XKR6: variants seen among roughly 807,000 people sequenced by gnomAD.
The protein encoded by XKR6 is XK related 6.
In XKR6, 22 loss-of-function variants were observed where a neutral mutation model predicts 56.7. That is an observed-to-expected ratio of 0.39 (90% CI 0.28 to 0.55). XKR6 has a LOEUF of 0.55. XKR6 is among the 20% of genes least tolerant of loss of function. The probability of loss-of-function intolerance (pLI) is 0.66; values close to 1 mark genes in which losing one functional copy is unlikely to be tolerated. For missense variants in XKR6, 852 were observed against 889.0 expected (o/e 0.96, Z 0.53); for synonymous variants, 524 against 387.8 (o/e 1.35, Z -4.13).
chr8:11,059,515 G>A (rs576969641), intron 1 of XKR6, among the ~76,000 whole-genome samples: 1 of 151,942 alleles, frequency 6.6e-6, no homozygotes, highest in Non-Finnish European at 1.5e-5. Flanking sequence ...CGCGGGCGGC[G>A]CCGCTCCAGT....
At chr8:10,902,339 C>G (rs1563278348) in intron 2 of XKR6, among the ~76,000 whole-genome samples, 1 of 152,198 alleles carries the variant, frequency 6.6e-6, no homozygotes, top group African/African-American at 2.4e-5. Context: ...AACCTTCTAT[C>G]TAGGGGAGCT....
At chr8:11,026,208 T>C (rs1563353605) in intron 1 of XKR6, among the ~76,000 whole-genome samples, 1 of 152,012 alleles carries the variant, frequency 6.6e-6, no homozygotes, top group East Asian at 1.9e-4. Flanking sequence ...TCTAGCCTAC[T>C]ACACACTTAG....
intron 1 of XKR6, among the ~76,000 whole-genome samples, chr8:10,971,154 G>C (rs879276311): frequency 4.6e-5 from 7 of 151,700 alleles, no homozygotes; most frequent in African/African-American, 9.7e-5. Context: ...GGGCACGGTG[G>C]CTCACGCCTG....
intron 1 of XKR6, among the ~76,000 whole-genome samples, chr8:10,961,841 G>A (rs1367824734): frequency 6.6e-6 from 1 of 152,246 alleles, no homozygotes; most frequent in Non-Finnish European, 1.5e-5. Context: ...ACGTTGCCAG[G>A]AGGAAGGGAG....
intron 1 of XKR6, among the ~76,000 whole-genome samples, chr8:11,017,911 A>G (rs377009868): frequency 2.8e-4 from 42 of 152,298 alleles, no homozygotes; most frequent in African/African-American, 1.0e-3. Context: ...AGAGGAGGAA[A>G]GCTGGCTGAG....
At chr8:10,939,938 A>C (rs573080657) in intron 1 of XKR6, among the ~76,000 whole-genome samples, 2 of 152,168 alleles carry the variant, frequency 1.3e-5, no homozygotes, top group Non-Finnish European at 2.9e-5. Context: ...CCCCTCCCCC[A>C]GGTGTGTCCC....
chr8:11,017,716 T>A (rs1246155261), intron 1 of XKR6, among the ~76,000 whole-genome samples: 1 of 152,112 alleles, frequency 6.6e-6, no homozygotes, highest in Non-Finnish European at 1.5e-5. Context: ...GGGGCAGGCA[T>A]TTGACCTGGG....
intron 1 of XKR6, chr8:11,138,311 T>C (rs117049431): frequency 0.011 from 1,721 of 152,678 alleles, 14 homozygotes; most frequent in South Asian, 0.026. Flanking sequence ...AACTATGAGT[T>C]AGAACCACCT....
chr8:10,965,074 GT>G (rs1802177338), intron 1 of XKR6, among the ~76,000 whole-genome samples: 1 of 152,228 alleles, frequency 6.6e-6, no homozygotes, highest in Admixed American at 6.5e-5. Context: ...AAGCCTGCTT[GT>G]TGGGCTCTCA....
chr8:11,034,908 C>T (rs542722526), intron 1 of XKR6, among the ~76,000 whole-genome samples: 16 of 152,296 alleles, frequency 1.1e-4, no homozygotes, highest in African/African-American at 2.4e-4. Flanking sequence ...GCTTCTCCTG[C>T]GGTGTGATAC....
At chr8:10,954,460 C>T (rs1242109806) in intron 1 of XKR6, among the ~76,000 whole-genome samples, 2 of 152,152 alleles carry the variant, frequency 1.3e-5, no homozygotes, top group East Asian at 1.9e-4. Flanking sequence ...TTATATATCT[C>T]CTTTGAAGAA....
chr8:10,960,612 G>C (rs1185281102), intron 1 of XKR6, among the ~76,000 whole-genome samples: 1 of 152,164 alleles, frequency 6.6e-6, no homozygotes, highest in Non-Finnish European at 1.5e-5. Flanking sequence ...CCAGCCACAG[G>C]GGCATCATTC....
chr8:10,984,733 T>TATATATATATATATAC (rs1491092907), intron 1 of XKR6, among the ~76,000 whole-genome samples: 2 of 42,644 alleles, frequency 4.7e-5, no homozygotes, highest in Non-Finnish European at 1.0e-4. Context: ...TCTCTCTCTC[T>TATATATATATATATAC]ATATATATAT....
intron 1 of XKR6, among the ~76,000 whole-genome samples, chr8:11,143,932 C>G (rs1163046014): frequency 2.0e-5 from 3 of 152,122 alleles, no homozygotes; most frequent in Non-Finnish European, 4.4e-5. Context: ...AAGTCTCTTT[C>G]CTTGGCTCAC....
chr8:11,156,250 T>A (rs1801514063), intron 1 of XKR6, among the ~76,000 whole-genome samples: 2 of 152,210 alleles, frequency 1.3e-5, no homozygotes, highest in African/African-American at 4.8e-5. Flanking sequence ...TTTTTCTCCC[T>A]CTGTTCTGAA....
At chr8:11,147,206 C>A (rs897247321) in intron 1 of XKR6, among the ~76,000 whole-genome samples, 4 of 151,746 alleles carry the variant, frequency 2.6e-5, no homozygotes, top group African/African-American at 7.3e-5. Flanking sequence ...GAACTTATCC[C>A]CAAACTTATC....
At chr8:11,172,704 C>T (rs1802440771) in intron 1 of XKR6, among the ~76,000 whole-genome samples, 1 of 152,118 alleles carries the variant, frequency 6.6e-6, no homozygotes, top group African/African-American at 2.4e-5. Flanking sequence ...GAAAAAGCTT[C>T]CACATAAATC....
intron 1 of XKR6, among the ~76,000 whole-genome samples, chr8:11,124,977 T>C (rs567292377): frequency 1.4e-5 from 2 of 147,334 alleles, no homozygotes; most frequent in East Asian, 4.0e-4. Flanking sequence ...TAGTCCCAGC[T>C]ACTCGGGAGG....
At chr8:11,110,536 G>A (rs1193832680) in intron 1 of XKR6, among the ~76,000 whole-genome samples, 2 of 152,158 alleles carry the variant, frequency 1.3e-5, no homozygotes, top group Non-Finnish European at 2.9e-5. Flanking sequence ...ATAGTTCCGT[G>A]CATTCTCTTC....
Sources: gnomAD v4.1 joint callset for allele counts (sites outside exome capture counted in the v4.1 genomes callset) on GRCh38, gnomAD v4.1.1 for gene constraint, MANE v1.5 for transcripts, NCBI Gene and HGNC (gene_info 2026-07-23, HGNC 2026-07-21) for gene names.